The following ZFP64 variants were observed in gnomAD, a reference collection of about 807,000 sequenced individuals.
The protein encoded by ZFP64 is zinc finger protein 64.
ZFP64 carries 14 observed loss-of-function variants against 51.6 expected under a neutral mutation model. The ratio of observed to expected loss-of-function variants is 0.27; its 90% CI spans 0.18 to 0.42. ZFP64 has a LOEUF of 0.42. Among genes scored for constraint, ZFP64 ranks in the 10% least tolerant of loss-of-function variants. The pLI, the probability that ZFP64 is intolerant of heterozygous loss-of-function variation, is 1.00. For missense variants in ZFP64, 754 were observed against 906.8 expected (o/e 0.83, Z 2.16); for synonymous variants, 375 against 361.4 (o/e 1.04, Z -0.43).
At chr20:52,098,731 G>A in intron 5 of ZFP64, 1 of 1,102,174 alleles carries the variant, frequency 9.1e-7, no homozygotes, top group Non-Finnish European at 1.3e-6. Flanking sequence ...TGACCAGGCG[G>A]GGTGGCTCAT....
At chr20:52,131,271 GAGAGAAGAA>G (rs374087048) in intron 5 of ZFP64, among the ~76,000 whole-genome samples, 4 of 151,500 alleles carry the variant, frequency 2.6e-5, no homozygotes, top group African/African-American at 9.7e-5. Flanking sequence ...AAGGAAAAGA[GAGAGAAGAA>G]AGAAAAGAAA....
downstream of ZFP64, among the ~76,000 whole-genome samples, chr20:52,151,077 A>T (rs1368615792): frequency 6.6e-6 from 1 of 152,190 alleles, no homozygotes; most frequent in African/African-American, 2.4e-5. Flanking sequence ...GAAGTTTCAA[A>T]ATGAAAACAA....
Position 52,173,657 on chromosome 20 carries a change from T to G in ZFP64, c.287-7632A>C, listed in dbSNP as rs754256004. Among the ~76,000 whole-genome samples the G allele has an allele frequency of 1.6e-4, 24 of 151,860 alleles. No individual in the cohort carries two copies. The South Asian group carries it at 2.7e-3, about 17-fold the overall frequency. Reference sequence around the variant, plus strand: ...ATATACATCCTTGCTTTTTTTTTTTTCTTTTTTTTTGAGACGGAGTCTGGC... The same window carrying G: ...ATATACATCCTTGCTTTTTTTTTTTGCTTTTTTTTTGAGACGGAGTCTGGC... On this transcript the variant is annotated intron_variant, in intron 2 of 5. Transcript: ENST00000216923.
At chr20:52,157,786 A>C (rs1981440396) in intron 5 of ZFP64, among the ~76,000 whole-genome samples, 1 of 152,208 alleles carries the variant, frequency 6.6e-6, no homozygotes, top group African/African-American at 2.4e-5. Flanking sequence ...CGTCATCTAC[A>C]TTAGGTATTT....
intron 5 of ZFP64, chr20:52,104,573 C>A (rs2079089768): frequency 5.1e-6 from 2 of 394,832 alleles, no homozygotes; most frequent in East Asian, 1.4e-4. Flanking sequence ...CTCCGGTGAC[C>A]TCTCGGGCTA....
chr20:52,163,007 A>G (rs1407537661), intron 4 of ZFP64, among the ~76,000 whole-genome samples: 1 of 152,206 alleles, frequency 6.6e-6, no homozygotes, highest in African/African-American at 2.4e-5. Context: ...ATTTGCAGAA[A>G]TAGACAAAGC....
At chr20:52,138,054 TAAGC>T (rs10563011) in intron 5 of ZFP64, among the ~76,000 whole-genome samples, 53,450 of 137,006 alleles carry the variant, frequency 0.39, 10,115 homozygotes, top group Non-Finnish European at 0.43. Context: ...AATAAATAAA[TAAGC>T]AAGCCAGGCA....
intron 5 of ZFP64, among the ~76,000 whole-genome samples, chr20:52,132,556 A>C (rs986147428): frequency 2.6e-5 from 4 of 152,316 alleles, no homozygotes; most frequent in Middle Eastern, 3.4e-3. Flanking sequence ...AATTCAAAGG[A>C]TCATTAGTGG....
exon 9 of ZFP64, chr20:52,084,965 C>T (rs1390679844): frequency 6.2e-7 from 1 of 1,613,964 alleles, no homozygotes; most frequent in Non-Finnish European, 8.5e-7. Context: ...TGTGCACGCG[C>T]AGGGCGGCCG....
rs1362710491 is a variant in ZFP64 at position 52,152,014 on chromosome 20, G to A, written c.*132C>T. On this transcript the variant is annotated 3_prime_UTR_variant, in exon 6 of 6. Coordinates refer to ENST00000216923, the MANE Select transcript of ZFP64 (RefSeq NM_018197.3). ...ATAGCGCCACTGCACTCCAGCCTGG[G>A]AAACAGAGCGAGACTCCGTCTCAAA... 6.9e-7 allele frequency: 1 copy of A among 1,441,028 alleles called. No individual in the cohort carries two copies. The highest frequency in any genetic ancestry group is 9.1e-7 in the Non-Finnish European group (1 of 1,100,384). 89.3% of individuals were successfully genotyped at this position (1,441,028 alleles called of 1,614,324 possible). A position where few individuals can be genotyped will look rare whatever the true frequency, so the allele number is the denominator to read the frequency against.
At chr20:52,092,298 C>G (rs140887576) in intron 7 of ZFP64, among the ~76,000 whole-genome samples, 5 of 152,252 alleles carry the variant, frequency 3.3e-5, no homozygotes, top group Admixed American at 6.5e-5. Context: ...CCCTGGCCTC[C>G]ACCCACCAGA....
intron 7 of ZFP64, among the ~76,000 whole-genome samples, chr20:52,090,408 A>G (rs1360582744): frequency 6.6e-6 from 1 of 152,196 alleles, no homozygotes; most frequent in African/African-American, 2.4e-5. Flanking sequence ...CACCAGAAAA[A>G]AAAATAAGGG....
intron 2 of ZFP64, among the ~76,000 whole-genome samples, chr20:52,181,361 C>T (rs1042740721): frequency 6.6e-5 from 10 of 152,236 alleles, no homozygotes; most frequent in South Asian, 6.2e-4. Context: ...CTCCAAAGCC[C>T]GGTGATTTGA....
rs1017066520 is a variant in ZFP64 at position 52,129,176 on chromosome 20, G to A, written c.764-30589C>T. 3.3e-5 allele frequency among the ~76,000 whole-genome samples: 5 copies of A among 151,978 alleles called. 1 individual carries two copies. Among genetic ancestry groups the A allele is most frequent in the Non-Finnish European group, 4.4e-5 (3 of 67,962 alleles). On this transcript the variant is annotated intron_variant, in intron 5 of 8. Transcript: ENST00000361387. ...GGCTCACTGCAAGCTCCGCCTCCCG[G>A]GTTCACGCCGTTCTCCCGCCTCAGC... is the stretch of plus-strand genomic sequence containing the variant.
At chr20:52,142,095 G>A (rs555059660) in intron 5 of ZFP64, among the ~76,000 whole-genome samples, 5 of 152,068 alleles carry the variant, frequency 3.3e-5, no homozygotes, top group East Asian at 1.9e-4. Context: ...GGCCTGGCGC[G>A]GTGGCTCACA....
At chr20:52,148,414 C>G (rs2122936330), downstream of ZFP64, among the ~76,000 whole-genome samples, 1 of 152,338 alleles carries the variant, frequency 6.6e-6, no homozygotes, top group South Asian at 2.1e-4. Context: ...TTCATCATAA[C>G]ATATAAATAT....
At chr20:52,101,560 A>G (rs1017774251) in intron 5 of ZFP64, among the ~76,000 whole-genome samples, 2 of 151,704 alleles carry the variant, frequency 1.3e-5, no homozygotes, top group Non-Finnish European at 2.9e-5. Flanking sequence ...ATTTTTTTGT[A>G]GTTTTGTATT....
intron 5 of ZFP64, among the ~76,000 whole-genome samples, chr20:52,139,541 T>C (rs1426666450): frequency 2.0e-5 from 3 of 152,112 alleles, no homozygotes; most frequent in Non-Finnish European, 4.4e-5. Flanking sequence ...GAAAAACTTA[T>C]TGGGTACTAT....
rs1296375011 is a variant in ZFP64, at chr20:52,160,201, G to A, written c.685C>T (p.Arg229Trp). Residue 229 changes from arginine (R) to tryptophan (W), a missense_variant, in exon 5 of 6, where the codon CGG (arginine) becomes TGG (tryptophan). By Grantham distance (101) the Arg-to-Trp change is moderately radical. Around this residue, in one of 3 missense-constraint regions of ZFP64, gnomAD observed 231 missense variants for 336.7 expected, o/e 0.69. Coordinates refer to ENST00000216923, the MANE Select transcript of ZFP64 (RefSeq NM_018197.3). This position sits in a 1 kb window ranked among gnomAD's most constrained non-coding sequence, Gnocchi z 4.2. ...NKHLRIHSDERPFKCQICPYA... is the reference protein window; with the variant it reads ...NKHLRIHSDEWPFKCQICPYA... Reference sequence around the variant, plus strand: ...GGGCAGATCTGGCATTTGAAGGGCCGCTCGTCCGAGTGGATCCTCAGGTGC... The same window carrying A: ...GGGCAGATCTGGCATTTGAAGGGCCACTCGTCCGAGTGGATCCTCAGGTGC... 2 of 1,614,150 alleles carry A rather than the reference G, an allele frequency of 1.2e-6. No homozygotes were observed. The highest frequency in any genetic ancestry group is 4.5e-5 in the East Asian group (2 of 44,866).
Sources: allele counts gnomAD v4.1 joint callset (sites outside exome capture counted in the v4.1 genomes callset), GRCh38; gene constraint gnomAD v4.1.1; regional missense constraint gnomAD v4.1.1; non-coding constraint Gnocchi (gnomAD v3.1); transcripts MANE v1.5; gene names NCBI Gene and HGNC (gene_info 2026-07-23, HGNC 2026-07-21).